KCNMB2: variants seen among roughly 807,000 people sequenced by gnomAD.
KCNMB2 encodes potassium calcium-activated channel subfamily M regulatory beta subunit 2.
Under a neutral mutation model 24.5 loss-of-function variants are expected in KCNMB2, and 9 were observed. The observed-to-expected ratio is 0.37, with a 90% CI of 0.22 to 0.64. KCNMB2 has a LOEUF of 0.64. Among genes scored for constraint, KCNMB2 ranks in the 30% least tolerant of loss-of-function variants. The probability of loss-of-function intolerance (pLI) is 0.63; values close to 1 mark genes in which losing one functional copy is unlikely to be tolerated. For missense variants in KCNMB2, 226 were observed against 284.3 expected (o/e 0.79, Z 1.47); for synonymous variants, 109 against 104.4 (o/e 1.04, Z -0.27).
intron 4 of KCNMB2, 24 bp downstream of exon 4, chr3:178,828,397 T>TCA (rs1714919298): frequency 6.4e-7 from 1 of 1,573,380 alleles, no homozygotes; most frequent in African/African-American, 1.3e-5. Context: ...GTACTGCATT[T>TCA]CAGTTACCCC....
intron 1 of KCNMB2, among the ~76,000 whole-genome samples, chr3:178,761,966 T>C (rs1711907862): frequency 1.3e-5 from 2 of 152,014 alleles, no homozygotes; most frequent in Non-Finnish European, 2.9e-5. Context: ...GGTCAGGAAA[T>C]CAAGACCATC....
chr3:178,696,030 TCA>T (rs1721861904), intron 1 of KCNMB2, among the ~76,000 whole-genome samples: 1 of 152,194 alleles, frequency 6.6e-6, no homozygotes, highest in Non-Finnish European at 1.5e-5. Context: ...TTTAATTGAC[TCA>T]CAGTTCAGCT....
intron 1 of KCNMB2, among the ~76,000 whole-genome samples, chr3:178,758,523 G>GATATATATATAT (rs1333906601): frequency 5.1e-5 from 1 of 19,598 alleles, no homozygotes; most frequent in Non-Finnish European, 8.5e-5. Flanking sequence ...TCCAAGAGGA[G>GATATATATATAT]ATGTATATAT....
intron 1 of KCNMB2, among the ~76,000 whole-genome samples, chr3:178,627,960 C>T (rs908069971): frequency 1.2e-4 from 18 of 152,294 alleles, no homozygotes; most frequent in Middle Eastern, 3.4e-3. Context: ...TTGTGCGGAA[C>T]TGACTAGTGT....
intron 1 of KCNMB2, among the ~76,000 whole-genome samples, chr3:178,756,803 T>C (rs1044469729): frequency 2.0e-5 from 3 of 152,110 alleles, no homozygotes; most frequent in African/African-American, 4.8e-5. Flanking sequence ...TTGCTTAGCA[T>C]TGGGCTTAGA....
intron 1 of KCNMB2, among the ~76,000 whole-genome samples, chr3:178,576,158 T>C (rs371987276): frequency 3.3e-5 from 5 of 151,582 alleles, no homozygotes; most frequent in African/African-American, 1.2e-4. Context: ...GCTCATCTCA[T>C]TGGGACTGGT....
chr3:178,709,197 C>T (rs1722374282), intron 1 of KCNMB2, among the ~76,000 whole-genome samples: 1 of 152,116 alleles, frequency 6.6e-6, no homozygotes, highest in Non-Finnish European at 1.5e-5. Flanking sequence ...CTGTTTCATG[C>T]CTTTAAAATT....
intron 1 of KCNMB2, among the ~76,000 whole-genome samples, chr3:178,707,302 T>C (rs1322574759): frequency 6.6e-6 from 1 of 152,130 alleles, no homozygotes; most frequent in East Asian, 1.9e-4. Context: ...CTCAGAGTTG[T>C]TGGGATGGTT....
At chr3:178,747,695 A>C (rs1018196341) in intron 1 of KCNMB2, among the ~76,000 whole-genome samples, 2 of 152,180 alleles carry the variant, frequency 1.3e-5, no homozygotes, top group African/African-American at 4.8e-5. Flanking sequence ...CTTTGAGTCT[A>C]TAAATCTTTT....
chr3:178,803,648 C>T (rs183254655), intron 1 of KCNMB2, among the ~76,000 whole-genome samples: 12 of 152,180 alleles, frequency 7.9e-5, no homozygotes, highest in East Asian at 3.9e-4. Context: ...CAGATTTGCA[C>T]GCAAACAGGA....
At chr3:178,586,534 C>CTTTTTTTTTTTTTTTTTTT (rs1717436976) in intron 1 of KCNMB2, among the ~76,000 whole-genome samples, 2 of 68,510 alleles carry the variant, frequency 2.9e-5, no homozygotes, top group Non-Finnish European at 2.8e-5. Flanking sequence ...TTTTTTTTTT[C>CTTTTTTTTTTTTTTTTTTT]TTTCTTTTTT....
chr3:178,784,867 G>T, intron 1 of KCNMB2, among the ~76,000 whole-genome samples: 2 of 84,098 alleles, frequency 2.4e-5, no homozygotes, highest in East Asian at 3.2e-4. Flanking sequence ...CCTTTTACCT[G>T]AAGCCTTAAA....
At chr3:178,579,609 T>C (rs1717123478) in intron 1 of KCNMB2, among the ~76,000 whole-genome samples, 1 of 151,930 alleles carries the variant, frequency 6.6e-6, no homozygotes, top group Admixed American at 6.6e-5. Flanking sequence ...ATTAACAAAA[T>C]AGATAGACCA....
chr3:178,647,932 A>G (rs1420862887), intron 1 of KCNMB2, among the ~76,000 whole-genome samples: 2 of 152,168 alleles, frequency 1.3e-5, no homozygotes, highest in Non-Finnish European at 2.9e-5. Flanking sequence ...TGAGAATATC[A>G]GTAATGTTTT....
At chr3:178,549,762 G>A (rs1272039258) in intron 1 of KCNMB2, among the ~76,000 whole-genome samples, 3 of 152,128 alleles carry the variant, frequency 2.0e-5, no homozygotes, top group Non-Finnish European at 1.5e-5. Flanking sequence ...TCTTGTTTAC[G>A]GTCCATCTGA....
intron 1 of KCNMB2, chr3:178,747,105 C>A (rs931245883): frequency 3.9e-5 from 6 of 152,472 alleles, no homozygotes; most frequent in African/African-American, 1.4e-4. Context: ...TGAAGACATA[C>A]CTGAGACTGC....
chr3:178,576,496 G>C (rs1423343078), intron 1 of KCNMB2, among the ~76,000 whole-genome samples: 1 of 152,076 alleles, frequency 6.6e-6, no homozygotes, highest in Non-Finnish European at 1.5e-5. Flanking sequence ...AGACAAAACT[G>C]TTCACTCTCC....
intron 1 of KCNMB2, among the ~76,000 whole-genome samples, chr3:178,684,209 G>A (rs570059955): frequency 6.6e-6 from 1 of 151,986 alleles, no homozygotes; most frequent in South Asian, 2.1e-4. Context: ...ACATGGATAA[G>A]TCTGGAGGAC....
chr3:178,773,806 C>T (rs1019330526), intron 1 of KCNMB2, among the ~76,000 whole-genome samples: 3 of 152,156 alleles, frequency 2.0e-5, no homozygotes, highest in African/African-American at 7.2e-5. Flanking sequence ...TTCATTTCAG[C>T]CACAGACCAA....
Sources: gnomAD v4.1 joint callset for allele counts (sites outside exome capture counted in the v4.1 genomes callset) on GRCh38, gnomAD v4.1.1 for gene constraint, MANE v1.5 for transcripts, NCBI Gene and HGNC (gene_info 2026-07-23, HGNC 2026-07-21) for gene names.